Variants in COL1A1 observed in about 807,000 individuals in gnomAD.
The protein encoded by COL1A1 is collagen alpha-1(I) chain.
A neutral mutation model predicts 195.7 loss-of-function variants in COL1A1; 21 were observed. The ratio of observed to expected loss-of-function variants is 0.11; its 90% confidence interval spans 0.08 to 0.15. The LOEUF (loss-of-function observed/expected upper bound fraction) is 0.15. COL1A1 is among the 10% of genes least tolerant of loss of function. COL1A1 has a pLI of 1.00. For synonymous variants in COL1A1, 749 were observed against 747.3 expected (o/e 1.00, Z -0.04); for missense variants, 1,365 against 2,051.0 (o/e 0.67, Z 6.46).
chr17:50,189,822 A>AG lies in COL1A1; in HGVS notation c.2613+36dup. 6.2e-7 allele frequency: 1 copy of AG among 1,612,358 alleles called. No individual in the cohort carries two copies. Among genetic ancestry groups the AG allele is most frequent in the African/African-American group, 1.3e-5 (1 of 74,962 alleles). ...TCACCTGCCACCGCTGCCTGGGGAG[A>AG]GGGGAGAGGCTCAACAGAGAGGCGG... is the stretch of plus-strand genomic sequence containing the variant. On this transcript the variant is annotated intron_variant, in intron 37 of 50. Coordinates refer to ENST00000225964, the MANE Select transcript of COL1A1 (RefSeq NM_000088.4). The surrounding 1 kb of genome is among the most constrained non-coding windows in gnomAD (Gnocchi z 5.5).
rs1169311953 is a variant in COL1A1 at position 50,195,821 on chromosome 17, G to A, written c.1056+102C>T. On this transcript the variant is annotated intron_variant, in intron 16 of 50. Coordinates refer to ENST00000225964, the MANE Select transcript of COL1A1 (RefSeq NM_000088.4). This position sits in a 1 kb window ranked among gnomAD's most constrained non-coding sequence, Gnocchi z 4.3. ...CCAGGACAAAGGTGTTAGTGAACGGGCTGCTCTCTTGCCACTCTGGGTCCC... is the reference window on the plus strand; with the variant it reads ...CCAGGACAAAGGTGTTAGTGAACGGACTGCTCTCTTGCCACTCTGGGTCCC... 9.1e-6 allele frequency: 13 copies of A among 1,423,902 alleles called. No individual in the cohort carries two copies. Among genetic ancestry groups the A allele is most frequent in the Non-Finnish European group, 1.2e-5 (12 of 1,031,406 alleles). 88.2% of individuals were successfully genotyped at this position (1,423,902 alleles called of 1,614,324 possible). A position where few individuals can be genotyped will look rare whatever the true frequency, so the allele number is the denominator to read the frequency against.
At chr17:50,192,162 C>A (rs570404580) in intron 29 of COL1A1, 138 bp from the exon 30 acceptor site, 6 of 939,226 alleles carry the variant, frequency 6.4e-6, no homozygotes, top group Admixed American at 4.3e-5. Flanking sequence ...GAGATTATCC[C>A]AAACAGCCCC....
intron 25 of COL1A1, chr17:50,193,385 C>T (rs561963779): frequency 2.3e-5 from 10 of 429,634 alleles, no homozygotes; most frequent in Non-Finnish European, 3.8e-5. Flanking sequence ...CCTATCCCCA[C>T]GTGTCGGGGT....
chr17:50,190,783 G>T lies in COL1A1; in HGVS notation c.2343+34C>A, dbSNP rs149027707. ...CCCAGGCCTGCTGAGGAGGCTATGT[G>T]TTAGGGCAGAAGGTGGGGAGGCGGC... On this transcript the variant is annotated intron_variant, in intron 33 of 50. Transcript: ENST00000225964. This position sits in a 1 kb window ranked among gnomAD's most constrained non-coding sequence, Gnocchi z 4.7. The T allele has an allele frequency of 3.7e-3, 5,774 of 1,581,876 alleles. 114 individuals are homozygous for T. The highest frequency in any genetic ancestry group is 1.6e-3 in the Non-Finnish European group (1,823 of 1,150,876).
At position 50,196,538 on chromosome 17, in the gene COL1A1, A is replaced by G; in HGVS notation, c.859-10T>C. 1 of 1,614,210 alleles carries G rather than the reference A, an allele frequency of 6.2e-7. No homozygotes were observed. The highest frequency in any genetic ancestry group is 1.1e-5 in the South Asian group (1 of 91,082). ...GGCTGCCAGGCTCACCCTGTAGATC[A>G]GAGAATAATGAGTGAGAAATTCATT... On this transcript the variant is annotated splice_polypyrimidine_tract_variant and intron_variant, in intron 12 of 50. Transcript: ENST00000225964.
Position 50,195,558 on chromosome 17 carries a change from G to T in COL1A1, c.1155+9C>A, listed in dbSNP as rs370459791. 21 of 1,613,910 alleles carry T rather than the reference G, an allele frequency of 1.3e-5. No homozygotes were observed. Among genetic ancestry groups the T allele is most frequent in the Non-Finnish European group, 1.7e-5 (20 of 1,179,956 alleles). On this transcript the variant is annotated intron_variant, in intron 17 of 50. Transcript: ENST00000225964. This position sits in a 1 kb window ranked among gnomAD's most constrained non-coding sequence, Gnocchi z 4.3. The stretch of plus-strand genomic sequence containing the variant: ...GTGGCAAAGGGGACACTGAGTCGGG[G>T]ACACTTACAGCAGGGCCAGCAGCAC...
Position 50,198,145 on chromosome 17 carries a change from C to T in COL1A1, c.588+16G>A, listed in dbSNP as rs191715075. 3.8e-4 allele frequency: 608 copies of T among 1,614,064 alleles called. 4 individuals are homozygous for T. In the Admixed American group the frequency reaches 5.9e-3, roughly 16 times the overall value. On this transcript the variant is annotated intron_variant, in intron 7 of 50. Coordinates refer to ENST00000225964, the MANE Select transcript of COL1A1 (RefSeq NM_000088.4). ...CAAAGCCCAAGGAGGCATATGAAGA[C>T]GTCCTGGATACTCACAGGTGCACCA...
In COL1A1 at chr17:50,190,191, G is replaced by C. The variant is rs1906954258; in HGVS notation, c.2452-83C>G. 8.4e-6 allele frequency: 11 copies of C among 1,313,894 alleles called. No homozygotes were observed. Among genetic ancestry groups the C allele is most frequent in the Non-Finnish European group, 1.1e-5 (10 of 907,618 alleles). The allele number at this position is 1,313,894 out of a possible 1,614,324, so 81.4% of individuals were successfully genotyped here. On this transcript the variant is annotated intron_variant, in intron 35 of 50. Coordinates refer to ENST00000225964, the MANE Select transcript of COL1A1 (RefSeq NM_000088.4). The surrounding 1 kb of genome is among the most constrained non-coding windows in gnomAD (Gnocchi z 4.7). ...GGGGGAGGAGCAGTAATGGAGGCAG[G>C]AAGATGCTTGGGTGGGAAACAATCC...
rs1906954480 is a variant in COL1A1 at position 50,190,193 on chromosome 17, A to G, written c.2452-85T>C. On this transcript the variant is annotated intron_variant, in intron 35 of 50. Coordinates refer to ENST00000225964, the MANE Select transcript of COL1A1 (RefSeq NM_000088.4). The surrounding 1 kb of genome is among the most constrained non-coding windows in gnomAD (Gnocchi z 4.7). ...GGGAGGAGCAGTAATGGAGGCAGGAAGATGCTTGGGTGGGAAACAATCCCG... is the reference window on the plus strand; with the variant it reads ...GGGAGGAGCAGTAATGGAGGCAGGAGGATGCTTGGGTGGGAAACAATCCCG... 2 of 1,314,474 alleles carry G rather than the reference A, an allele frequency of 1.5e-6. No homozygotes were observed. The highest frequency in any genetic ancestry group is 2.2e-6 in the Non-Finnish European group (2 of 908,084). 81.4% of individuals were successfully genotyped at this position (1,314,474 alleles called of 1,614,324 possible).
At position 50,184,757 on chromosome 17, in the gene COL1A1, C is replaced by T. The variant is rs898754927; in HGVS notation, c.*745G>A. 4.3e-5 allele frequency: 10 copies of T among 232,530 alleles called. No homozygotes were observed. Among genetic ancestry groups the T allele is most frequent in the Admixed American group, 1.1e-4 (2 of 17,760 alleles). 14.4% of individuals were successfully genotyped at this position (232,530 alleles called of 1,614,324 possible). The stretch of plus-strand genomic sequence containing the variant: ...ACACAAGGAACAGAACAGTCTCTCC[C>T]GCCCAGCCCTGCGGCACAAGGGATT... On this transcript the variant is annotated 3_prime_UTR_variant, in exon 51 of 51. Transcript: ENST00000225964.
At position 50,193,059 on chromosome 17, in the gene COL1A1, G is replaced by A. The variant is rs1456834263; in HGVS notation, c.1768-12C>T. On this transcript the variant is annotated splice_polypyrimidine_tract_variant and intron_variant, in intron 25 of 50. Coordinates refer to ENST00000225964, the MANE Select transcript of COL1A1 (RefSeq NM_000088.4). ...TTGCCGGGCTCTCCCTGTGGAGAAA[G>A]GGAGTTAGGGTTGAGGGGGCTGAAG... The A allele has an allele frequency of 3.7e-6, 6 of 1,613,498 alleles. No individual in the cohort carries two copies. In the Admixed American group the frequency reaches 6.7e-5, roughly 18 times the overall value.
chr17:50,191,004 C>T, intron 32 of COL1A1, 80 bp from the exon 33 acceptor site: 1 of 1,326,300 alleles, frequency 7.5e-7, no homozygotes. Context: ...TCTGGGTTTC[C>T]TGAGAGGCCC....
Position 50,188,892 on chromosome 17 carries a change from G to A in COL1A1, c.3045+11C>T, listed in dbSNP as rs201349683. 47 of 1,586,212 alleles carry A rather than the reference G, an allele frequency of 3.0e-5. No homozygotes were observed. Among genetic ancestry groups the A allele is most frequent in the East Asian group, 1.8e-4 (8 of 44,686 alleles). On this transcript the variant is annotated intron_variant, in intron 41 of 50. Coordinates refer to ENST00000225964, the MANE Select transcript of COL1A1 (RefSeq NM_000088.4). The surrounding 1 kb of genome is among the most constrained non-coding windows in gnomAD (Gnocchi z 5.6). ...CTGAGGGTACTGGCATGGGGGCTGG[G>A]GACTGCTCACCTCACGTCCAGATTC... is the stretch of plus-strand genomic sequence containing the variant.
rs2144563717 is a variant in COL1A1, at chr17:50,192,648, C to T, written c.1921G>A (p.Gly641Arg). 1 of 1,614,222 alleles carries T rather than the reference C, an allele frequency of 6.2e-7. No homozygotes were observed. The change falls in exon 28 of 51, where the codon GGA (glycine) becomes AGA (arginine). Residue 641 changes from glycine (G) to arginine (R), a missense_variant. Gly to Arg is a moderately radical substitution (Grantham distance 125, BLOSUM62 -2). Coordinates refer to ENST00000225964, the MANE Select transcript of COL1A1 (RefSeq NM_000088.4). ...CAGCCATGAGGCCTCACCTGGAATC[C>T]GGGGGAGCCAGCAGGGCCTTGTTCA... ...RGEQGPAGSP[G>R]FQGLPGPAGP...
intron 1 of COL1A1, 60 bp from the exon 2 acceptor site, chr17:50,200,007 T>C: frequency 6.4e-7 from 1 of 1,563,160 alleles, no homozygotes; most frequent in Admixed American, 1.7e-5. Context: ...CTTAACCACC[T>C]TTCCCCCGGG....
chr17:50,190,977 A>G lies in COL1A1; in HGVS notation c.2236-53T>C, dbSNP rs1445602736. On this transcript the variant is annotated intron_variant, in intron 32 of 50. Transcript: ENST00000225964. The surrounding 1 kb of genome is among the most constrained non-coding windows in gnomAD (Gnocchi z 4.7). ...CCAGTGTGGGGCAAGGAGGTGACCT[A>G]TAGTGTTCTGCTTGTGTCTGGGTTT... is the stretch of plus-strand genomic sequence containing the variant. 8.4e-6 allele frequency: 13 copies of G among 1,544,726 alleles called. No individual in the cohort carries two copies. Among genetic ancestry groups the G allele is most frequent in the Non-Finnish European group, 1.2e-5 (13 of 1,119,720 alleles).
Position 50,185,264 on chromosome 17 carries a change from T to TTTA in COL1A1, c.*237_*238insTAA. The TTTA allele has an allele frequency of 3.5e-6, 1 of 287,424 alleles. No homozygotes were observed. Among genetic ancestry groups the TTTA allele is most frequent in the South Asian group, 1.3e-4 (1 of 7,814 alleles). The allele number at this position is 287,424 out of a possible 1,614,324, so 17.8% of individuals were successfully genotyped here. On this transcript the variant is annotated 3_prime_UTR_variant, in exon 51 of 51. Transcript: ENST00000225964. Reference sequence around the variant, plus strand: ...AAAAGTTATTTATTTATTCTTTTTTTTTTTTTTTTTTTGGTAAGGTTGAAT... The same window carrying TTTA: ...AAAAGTTATTTATTTATTCTTTTTTTTTATTTTTTTTTTTTGGTAAGGTTGAAT...
rs2144546276 is a variant in COL1A1, at chr17:50,188,657, AATAT to A, written c.3100-24_3100-21del. On this transcript the variant is annotated intron_variant, in intron 42 of 50. Transcript: ENST00000225964. The surrounding 1 kb of genome is among the most constrained non-coding windows in gnomAD (Gnocchi z 5.6). The stretch of plus-strand genomic sequence containing the variant: ...GTCACCCTGGCGGGGAGAGCAGGGG[AATAT>A]GGGTCAGCCCCGGGTGAAGGGCCAG... 2 of 1,612,392 alleles carry A rather than the reference AATAT, an allele frequency of 1.2e-6. No individual in the cohort carries two copies. The highest frequency in any genetic ancestry group is 4.5e-5 in the East Asian group (2 of 44,794).
chr17:50,197,153 C>T (rs1195987079), intron 10 of COL1A1, 27 bp downstream of exon 10: 1 of 1,613,920 alleles, frequency 6.2e-7, no homozygotes, highest in Non-Finnish European at 8.5e-7. Context: ...CAGTGAAGCC[C>T]AGGTTCAGCC....
Sources: allele counts gnomAD v4.1 joint callset, GRCh38; gene constraint gnomAD v4.1.1; non-coding constraint Gnocchi (gnomAD v3.1); transcripts MANE v1.5; gene names NCBI Gene and HGNC (gene_info 2026-07-23, HGNC 2026-07-21).